HERPUD2: variants seen among roughly 807,000 people sequenced by gnomAD.
HERPUD2 encodes HERPUD family member 2.
HERPUD2 carries 13 observed loss-of-function variants against 49.9 expected under a neutral mutation model. That is an observed-to-expected ratio of 0.26 (90% CI 0.17 to 0.41). The LOEUF (loss-of-function observed/expected upper bound fraction) is 0.41, where lower values mean the gene tolerates loss of function less well. HERPUD2 is among the 10% of genes least tolerant of loss of function. HERPUD2 has a pLI of 1.00. For missense variants in HERPUD2, 449 were observed against 492.2 expected (o/e 0.91, Z 0.83); for synonymous variants, 172 against 171.4 (o/e 1.00, Z -0.03).
At chr7:35,642,671 T>A (rs1405770357) in intron 5 of HERPUD2, among the ~76,000 whole-genome samples, 2 of 152,180 alleles carry the variant, frequency 1.3e-5, no homozygotes, top group Non-Finnish European at 2.9e-5. Context: ...TGGATGGAGC[T>A]GGAGGTCATT....
At chr7:35,690,454 A>C (rs1786154979) in intron 2 of HERPUD2, among the ~76,000 whole-genome samples, 1 of 152,220 alleles carries the variant, frequency 6.6e-6, no homozygotes, top group African/African-American at 2.4e-5. Context: ...TTTACCTAAT[A>C]CTGTATTACT....
At chr7:35,688,913 G>A (rs897542231) in intron 2 of HERPUD2, among the ~76,000 whole-genome samples, 1 of 151,620 alleles carries the variant, frequency 6.6e-6, no homozygotes, top group Admixed American at 6.6e-5. Context: ...CATCTATAAA[G>A]TAGAGCTAAT....
At chr7:35,634,997 C>T in intron 7 of HERPUD2, 138 bp downstream of exon 7, 3 of 624,318 alleles carry the variant, frequency 4.8e-6, no homozygotes, top group African/African-American at 3.7e-5. Flanking sequence ...TTGCTTTTGG[C>T]ATCAAAAACA....
intron 5 of HERPUD2, among the ~76,000 whole-genome samples, chr7:35,641,331 G>A (rs79276075): frequency 6.6e-6 from 1 of 151,946 alleles, no homozygotes; most frequent in Admixed American, 6.6e-5. Flanking sequence ...AAAATGTTTT[G>A]CTCTATGGAA....
chr7:35,684,652 C>G (rs557794113), intron 2 of HERPUD2, among the ~76,000 whole-genome samples: 6 of 152,194 alleles, frequency 3.9e-5, no homozygotes, highest in Admixed American at 3.9e-4. Flanking sequence ...AAATGGAAAA[C>G]CAAACATTGT....
intron 2 of HERPUD2, among the ~76,000 whole-genome samples, chr7:35,680,397 A>T (rs1785855161): frequency 6.6e-6 from 1 of 152,090 alleles, no homozygotes; most frequent in South Asian, 2.1e-4. Flanking sequence ...GTGACAGAGG[A>T]AGACCCTGTC....
chr7:35,677,019 A>G (rs911344796), intron 2 of HERPUD2, among the ~76,000 whole-genome samples: 3 of 152,146 alleles, frequency 2.0e-5, no homozygotes, highest in African/African-American at 7.2e-5. Context: ...TCTTGTTTTC[A>G]TTTAGAGATT....
At chr7:35,652,959 T>G (rs1298021537) in intron 5 of HERPUD2, among the ~76,000 whole-genome samples, 1 of 151,820 alleles carries the variant, frequency 6.6e-6, no homozygotes, top group Non-Finnish European at 1.5e-5. Flanking sequence ...AAAGAATTTA[T>G]ATGTCACCAC....
chr7:35,686,734 AAAAAAAAAAAACC>A (rs1562688554), intron 2 of HERPUD2, among the ~76,000 whole-genome samples: 2 of 103,024 alleles, frequency 1.9e-5, no homozygotes, highest in African/African-American at 8.6e-5. Context: ...AAAAAAAAAA[AAAAAAAAAAAACC>A]AAACCCATTT....
At chr7:35,644,607 A>C (rs1313611871) in intron 5 of HERPUD2, among the ~76,000 whole-genome samples, 1 of 152,092 alleles carries the variant, frequency 6.6e-6, no homozygotes, top group Non-Finnish European at 1.5e-5. Flanking sequence ...ATCTCTACTA[A>C]AAATACAAAA....
chr7:35,675,049 C>G (rs1785730910), intron 2 of HERPUD2, among the ~76,000 whole-genome samples: 1 of 152,176 alleles, frequency 6.6e-6, no homozygotes, highest in African/African-American at 2.4e-5. Flanking sequence ...GTCAAAAACA[C>G]AGACCACAAC....
intron 2 of HERPUD2, among the ~76,000 whole-genome samples, chr7:35,689,939 G>C (rs371760173): frequency 7.9e-5 from 12 of 152,274 alleles, no homozygotes; most frequent in African/African-American, 2.9e-4. Context: ...TATAGTAAGA[G>C]AATGAGAAAG....
At position 35,694,551 on chromosome 7, in the gene HERPUD2, G is replaced by C; in HGVS notation, c.-221C>G. Reference sequence around the variant, plus strand: ...GACGGTGGGGTCTGGGTGCCCGGCCGTGGAGGCAGCTCTCCCCGCCAGGTC... The same window carrying C: ...GACGGTGGGGTCTGGGTGCCCGGCCCTGGAGGCAGCTCTCCCCGCCAGGTC... On this transcript the variant is annotated 5_prime_UTR_variant, in exon 2 of 9. Coordinates refer to ENST00000311350, the MANE Select transcript of HERPUD2 (RefSeq NM_022373.5). 3 of 563,996 alleles carry C rather than the reference G, an allele frequency of 5.3e-6. No homozygotes were observed. Among genetic ancestry groups the C allele is most frequent in the Non-Finnish European group, 6.3e-6 (2 of 316,198 alleles). The allele number at this position is 563,996 out of a possible 1,614,324, so 34.9% of individuals were successfully genotyped here.
At chr7:35,647,640 GA>G (rs1785080403) in intron 5 of HERPUD2, among the ~76,000 whole-genome samples, 2 of 152,172 alleles carry the variant, frequency 1.3e-5, no homozygotes, top group South Asian at 4.1e-4. Flanking sequence ...AAATACGAAT[GA>G]TAACCTAGGA....
chr7:35,640,841 G>C (rs1429532222), intron 5 of HERPUD2, among the ~76,000 whole-genome samples: 4 of 152,088 alleles, frequency 2.6e-5, no homozygotes, highest in Admixed American at 2.6e-4. Context: ...TTAATGCTAG[G>C]GAAAAAGATG....
At chr7:35,680,342 G>A (rs546695928) in intron 2 of HERPUD2, among the ~76,000 whole-genome samples, 2 of 152,172 alleles carry the variant, frequency 1.3e-5, no homozygotes, top group Non-Finnish European at 2.9e-5. Flanking sequence ...CCAGGAGTTC[G>A]AGGCTGCAGT....
chr7:35,690,627 T>C (rs1169703454), intron 2 of HERPUD2, among the ~76,000 whole-genome samples: 1 of 152,038 alleles, frequency 6.6e-6, no homozygotes, highest in Non-Finnish European at 1.5e-5. Context: ...CTGACCAACA[T>C]GGTAAAACCC....
chr7:35,682,226 T>A (rs1270082004), intron 2 of HERPUD2, among the ~76,000 whole-genome samples: 5 of 129,332 alleles, frequency 3.9e-5, no homozygotes, highest in African/African-American at 1.6e-4. Flanking sequence ...TGTGTGTGTA[T>A]ATATAGATAT....
At chr7:35,653,429 A>G (rs1385965962) in intron 5 of HERPUD2, among the ~76,000 whole-genome samples, 1 of 152,202 alleles carries the variant, frequency 6.6e-6, no homozygotes, top group East Asian at 1.9e-4. Context: ...TATCAAGAAA[A>G]CATGATCAGA....
Sources: gnomAD v4.1 joint callset for allele counts (sites outside exome capture counted in the v4.1 genomes callset) on GRCh38, gnomAD v4.1.1 for gene constraint, MANE v1.5 for transcripts, NCBI Gene and HGNC (gene_info 2026-07-23, HGNC 2026-07-21) for gene names.